The following NEGR1 variants were observed in gnomAD, a reference collection of about 807,000 sequenced individuals.
The protein encoded by NEGR1 is IgLON family member 4.
A neutral mutation model predicts 40.9 loss-of-function variants in NEGR1; 10 were observed. The ratio of observed to expected loss-of-function variants is 0.24; its 90% CI spans 0.15 to 0.42. NEGR1 has a LOEUF of 0.42. NEGR1 is among the 10% of genes least tolerant of loss of function. The pLI is 1.00. For synonymous variants in NEGR1, 185 were observed against 166.8 expected (o/e 1.11, Z -0.84); for missense variants, 352 against 438.9 (o/e 0.80, Z 1.77).
intron 1 of NEGR1, among the ~76,000 whole-genome samples, chr1:72,022,801 A>G (rs1557488115): frequency 1.3e-5 from 2 of 152,186 alleles, no homozygotes; most frequent in African/African-American, 2.4e-5. Context: ...ATGATTGTCT[A>G]CATGTAGGCA....
chr1:71,481,822 G>A (rs540992249), intron 6 of NEGR1, among the ~76,000 whole-genome samples: 1 of 151,658 alleles, frequency 6.6e-6, no homozygotes, highest in Admixed American at 6.6e-5. Context: ...TGTTTGCCTG[G>A]TGCAGAAATG....
At chr1:71,836,680 T>G (rs1659045015) in intron 2 of NEGR1, among the ~76,000 whole-genome samples, 1 of 151,916 alleles carries the variant, frequency 6.6e-6, no homozygotes, top group South Asian at 2.1e-4. Context: ...CTAAACAAAA[T>G]TACACTTATA....
intron 1 of NEGR1, among the ~76,000 whole-genome samples, chr1:72,135,375 CAAAAAAAA>C (rs71074819): frequency 7.0e-5 from 5 of 71,386 alleles, no homozygotes; most frequent in African/African-American, 1.1e-4. Flanking sequence ...GACTCCGTCT[CAAAAAAAA>C]AAAAAACAAA....
chr1:72,025,478 A>G (rs577982936), intron 1 of NEGR1, among the ~76,000 whole-genome samples: 18 of 152,306 alleles, frequency 1.2e-4, no homozygotes, highest in African/African-American at 3.4e-4. Context: ...TTCAATAACT[A>G]TCTAAGGAAC....
chr1:71,651,958 T>C (rs1651732749), intron 4 of NEGR1, among the ~76,000 whole-genome samples: 1 of 152,164 alleles, frequency 6.6e-6, no homozygotes, highest in Non-Finnish European at 1.5e-5. Flanking sequence ...GCTTACTAAA[T>C]TCCAGGAATT....
intron 6 of NEGR1, among the ~76,000 whole-genome samples, chr1:71,540,141 T>C (rs1647642330): frequency 6.6e-6 from 1 of 151,804 alleles, no homozygotes; most frequent in South Asian, 2.1e-4. Flanking sequence ...ATTGTGTAGA[T>C]ACTAATCTCT....
intron 6 of NEGR1, among the ~76,000 whole-genome samples, chr1:71,439,477 C>G (rs1646532521): frequency 6.6e-6 from 1 of 152,152 alleles, no homozygotes; most frequent in African/African-American, 2.4e-5. Flanking sequence ...GTCCTCCTAC[C>G]TTAGCCTCCG....
intron 1 of NEGR1, among the ~76,000 whole-genome samples, chr1:72,073,644 T>C (rs955313211): frequency 2.0e-5 from 3 of 152,090 alleles, no homozygotes; most frequent in Non-Finnish European, 4.4e-5. Flanking sequence ...TTTCTTAAAC[T>C]ATGTCAATAA....
At chr1:71,433,051 G>A (rs1405729033) in intron 6 of NEGR1, among the ~76,000 whole-genome samples, 1 of 152,180 alleles carries the variant, frequency 6.6e-6, no homozygotes, top group Non-Finnish European at 1.5e-5. Context: ...TATGAGGAAG[G>A]AATTCTAGCA....
intron 2 of NEGR1, among the ~76,000 whole-genome samples, chr1:71,808,294 G>A (rs529640462): frequency 2.0e-5 from 3 of 152,244 alleles, no homozygotes; most frequent in African/African-American, 7.2e-5. Flanking sequence ...AAATTCTTCA[G>A]TATCTACTAA....
intron 3 of NEGR1, among the ~76,000 whole-genome samples, chr1:71,720,351 A>C (rs1004083956): frequency 1.3e-5 from 2 of 152,184 alleles, no homozygotes; most frequent in African/African-American, 4.8e-5. Flanking sequence ...GCCTGTGTCT[A>C]TATAGCTAAG....
chr1:72,253,565 A>C (rs1655172076), intron 1 of NEGR1, among the ~76,000 whole-genome samples: 1 of 152,238 alleles, frequency 6.6e-6, no homozygotes, highest in African/African-American at 2.4e-5. Context: ...AGAAAGAAAC[A>C]GGAAAATAAG....
chr1:72,055,889 T>A (rs1226146920), intron 1 of NEGR1, among the ~76,000 whole-genome samples: 1 of 149,704 alleles, frequency 6.7e-6, no homozygotes, highest in Non-Finnish European at 1.5e-5. Flanking sequence ...CACCTGGAAA[T>A]CTGGCTTCTA....
intron 6 of NEGR1, among the ~76,000 whole-genome samples, chr1:71,413,224 A>G (rs1646334934): frequency 1.3e-5 from 2 of 152,136 alleles, no homozygotes; most frequent in African/African-American, 4.8e-5. Context: ...GCACTTAACA[A>G]AGCATAAACA....
chr1:71,659,973 G>C (rs995451763), intron 4 of NEGR1, among the ~76,000 whole-genome samples: 1 of 152,074 alleles, frequency 6.6e-6, no homozygotes, highest in African/African-American at 2.4e-5. Flanking sequence ...TCCCATTACT[G>C]GGTATATACC....
intron 4 of NEGR1, among the ~76,000 whole-genome samples, chr1:71,645,170 A>T (rs1651490541): frequency 6.6e-6 from 1 of 151,910 alleles, no homozygotes; most frequent in Non-Finnish European, 1.5e-5. Context: ...GTTCTAGGAG[A>T]TATCTTTGAT....
intron 2 of NEGR1, among the ~76,000 whole-genome samples, chr1:71,926,040 C>T (rs1286971703): frequency 2.0e-5 from 3 of 152,054 alleles, no homozygotes; most frequent in Non-Finnish European, 4.4e-5. Context: ...AGAATTACTA[C>T]CAAGAACATG....
intron 1 of NEGR1, among the ~76,000 whole-genome samples, chr1:72,242,838 A>C (rs1654789378): frequency 6.6e-6 from 1 of 151,654 alleles, no homozygotes; most frequent in Non-Finnish European, 1.5e-5. Context: ...CTGAGATTTG[A>C]GTTGTCTCAT....
At chr1:72,049,967 A>G (rs762937155) in intron 1 of NEGR1, among the ~76,000 whole-genome samples, 2 of 151,554 alleles carry the variant, frequency 1.3e-5, no homozygotes, top group Non-Finnish European at 3.0e-5. Flanking sequence ...AGATTTTGCT[A>G]TGACATCTTT....
Sources: gnomAD v4.1 joint callset for allele counts (sites outside exome capture counted in the v4.1 genomes callset) on GRCh38, gnomAD v4.1.1 for gene constraint, MANE v1.5 for transcripts, NCBI Gene and HGNC (gene_info 2026-07-23, HGNC 2026-07-21) for gene names.